Variants in PRLR observed in about 807,000 individuals in gnomAD.
PRLR encodes the protein prolactin receptor, also known as hPRL receptor.
PRLR carries 13 observed loss-of-function variants against 40.2 expected under a neutral mutation model. The ratio of observed to expected loss-of-function variants is 0.32; its 90% CI spans 0.21 to 0.51. The LOEUF is 0.51. Ranked by LOEUF, PRLR falls within the 20% of genes least tolerant of loss-of-function variation. The pLI, the probability that PRLR is intolerant of heterozygous loss-of-function variation, is 0.97. For synonymous variants in PRLR, 269 were observed against 278.7 expected (o/e 0.97, Z 0.35); for missense variants, 656 against 747.3 (o/e 0.88, Z 1.42).
At chr5:35,117,079 A>C (rs559807458) in intron 2 of PRLR, among the ~76,000 whole-genome samples, 3 of 152,230 alleles carry the variant, frequency 2.0e-5, no homozygotes, top group Non-Finnish European at 4.4e-5. Flanking sequence ...GACACCAGGA[A>C]TGCTGCTGAG....
intron 1 of PRLR, among the ~76,000 whole-genome samples, chr5:35,213,330 C>T (rs1381297804): frequency 1.3e-5 from 2 of 152,202 alleles, no homozygotes; most frequent in African/African-American, 4.8e-5. Context: ...CCCAAAGCCA[C>T]ATGTAATTTC....
chr5:35,079,611 T>G (rs1304269325), intron 5 of PRLR, among the ~76,000 whole-genome samples: 1 of 152,092 alleles, frequency 6.6e-6, no homozygotes, highest in Non-Finnish European at 1.5e-5. Flanking sequence ...AGAATCAGTA[T>G]CATGAAAATG....
chr5:35,088,008 C>A (rs932402003), intron 3 of PRLR, among the ~76,000 whole-genome samples: 1 of 152,188 alleles, frequency 6.6e-6, no homozygotes, highest in Non-Finnish European at 1.5e-5. Flanking sequence ...GGCTCCAAGG[C>A]CAGAGTTTCT....
intron 1 of PRLR, among the ~76,000 whole-genome samples, chr5:35,181,671 C>T (rs1775300984): frequency 6.6e-6 from 1 of 152,116 alleles, no homozygotes; most frequent in African/African-American, 2.4e-5. Context: ...TAATTTAGCC[C>T]AGCAAATCCC....
At chr5:35,135,254 C>A (rs1773818646) in intron 1 of PRLR, 1 of 152,212 alleles carries the variant, frequency 6.6e-6, no homozygotes, top group Admixed American at 6.5e-5. Context: ...AGAAGGAATG[C>A]AGAGAGAACC....
intron 2 of PRLR, among the ~76,000 whole-genome samples, chr5:35,094,124 A>G (rs920948049): frequency 1.3e-5 from 2 of 152,236 alleles, no homozygotes; most frequent in African/African-American, 4.8e-5. Flanking sequence ...ACTCAGGTCA[A>G]GAGATTAACC....
At chr5:35,225,451 T>C (rs1776524121) in intron 1 of PRLR, among the ~76,000 whole-genome samples, 1 of 152,056 alleles carries the variant, frequency 6.6e-6, no homozygotes, top group Non-Finnish European at 1.5e-5. Context: ...AGAAGTCACG[T>C]TTGGAAGAAG....
At position 35,086,628 on chromosome 5, in the gene PRLR, C is replaced by A. The variant is rs981707991; in HGVS notation, c.71-288G>T. ...ATGGAGATAACAATAGCCTAGTGACCAACTGCAAAATTTCAACAAAGAATG... is the reference window on the plus strand; with the variant it reads ...ATGGAGATAACAATAGCCTAGTGACAAACTGCAAAATTTCAACAAAGAATG... On this transcript the variant is annotated intron_variant, in intron 3 of 9. Coordinates refer to ENST00000618457, the MANE Select transcript of PRLR (RefSeq NM_000949.7). Among the ~76,000 whole-genome samples the A allele has an allele frequency of 6.6e-6, 1 of 151,514 alleles. No individual in the cohort carries two copies. The highest frequency in any genetic ancestry group is 2.4e-5 in the African/African-American group (1 of 41,148).
intron 2 of PRLR, among the ~76,000 whole-genome samples, chr5:35,116,623 G>A (rs1267715849): frequency 6.6e-6 from 1 of 152,092 alleles, no homozygotes; most frequent in East Asian, 1.9e-4. Flanking sequence ...TTTCCTTCCA[G>A]TAAATAGCAT....
At position 35,191,926 on chromosome 5, in the gene PRLR, T is replaced by C. The variant is rs544216484; in HGVS notation, c.-106+38342A>G. The stretch of plus-strand genomic sequence containing the variant: ...CAGTGGGCTTCTTCTGCCAGGAACA[T>C]GCTACCCAGAACTCTTCTCCTTCCA... On this transcript the variant is annotated intron_variant, in intron 1 of 9. Coordinates refer to ENST00000618457, the MANE Select transcript of PRLR (RefSeq NM_000949.7). Among the ~76,000 whole-genome samples, 10 of 152,298 alleles carry C rather than the reference T, an allele frequency of 6.6e-5. No individual in the cohort carries two copies. The South Asian group carries it at 2.1e-3, about 32-fold the overall frequency.
rs117168310 is a variant in PRLR, at chr5:35,191,850, G to C, written c.-106+38418C>G. On this transcript the variant is annotated intron_variant, in intron 1 of 9. Transcript: ENST00000618457. ...TGCACCCTTACGATTTCAGCTACTT[G>C]AATCCCAGTTTTCCAGTGACCACCA... 1.4e-4 allele frequency among the ~76,000 whole-genome samples: 21 copies of C among 152,314 alleles called. No homozygotes were observed. In the East Asian group the frequency reaches 3.7e-3, roughly 27 times the overall value.
At chr5:35,116,823 G>T (rs1773052300) in intron 2 of PRLR, among the ~76,000 whole-genome samples, 1 of 152,172 alleles carries the variant, frequency 6.6e-6, no homozygotes, top group Admixed American at 6.5e-5. Context: ...TAATGTTATT[G>T]TGAACACTAT....
chr5:35,174,087 G>GT (rs58461577), intron 1 of PRLR, among the ~76,000 whole-genome samples: 3,431 of 137,260 alleles, frequency 0.025, 102 homozygotes, highest in African/African-American at 0.069. Context: ...TGGGTGTTCG[G>GT]TTTTTTTTTT....
chr5:35,077,014 C>T (rs1177549109), intron 5 of PRLR, among the ~76,000 whole-genome samples: 1 of 152,134 alleles, frequency 6.6e-6, no homozygotes, highest in Non-Finnish European at 1.5e-5. Context: ...TTGTCACTAC[C>T]AGGCCTGCCT....
intron 2 of PRLR, among the ~76,000 whole-genome samples, chr5:35,105,487 T>G (rs190878019): frequency 6.6e-6 from 1 of 152,138 alleles, no homozygotes; most frequent in Non-Finnish European, 1.5e-5. Context: ...TGAAAAAGAT[T>G]AGATGAATGG....
chr5:35,143,635 C>G (rs1306652649), intron 1 of PRLR, among the ~76,000 whole-genome samples: 1 of 152,056 alleles, frequency 6.6e-6, no homozygotes, highest in East Asian at 1.9e-4. Context: ...TCTTAATTCC[C>G]AATGCTTATA....
At chr5:35,133,559 A>G (rs529521083) in intron 1 of PRLR, among the ~76,000 whole-genome samples, 1 of 152,262 alleles carries the variant, frequency 6.6e-6, no homozygotes, top group Non-Finnish European at 1.5e-5. Flanking sequence ...TATACTCCCA[A>G]TTAACTGCAC....
chr5:35,140,604 T>C (rs1327467467), intron 1 of PRLR, among the ~76,000 whole-genome samples: 1 of 152,206 alleles, frequency 6.6e-6, no homozygotes, highest in Non-Finnish European at 1.5e-5. Flanking sequence ...AAAGAACACA[T>C]GCAAAGTGTA....
chr5:35,209,243 A>C (rs1776105252), intron 1 of PRLR, among the ~76,000 whole-genome samples: 1 of 152,106 alleles, frequency 6.6e-6, no homozygotes, highest in African/African-American at 2.4e-5. Flanking sequence ...CCTACATAAG[A>C]ATCCATTTTC....
Sources: gnomAD v4.1 joint callset for allele counts (sites outside exome capture counted in the v4.1 genomes callset) on GRCh38, gnomAD v4.1.1 for gene constraint, MANE v1.5 for transcripts, NCBI Gene and HGNC (gene_info 2026-07-23, HGNC 2026-07-21) for gene names.